KRABD3: variants seen among roughly 807,000 people sequenced by gnomAD.
The protein encoded by KRABD3 is KRAB domain containing 3.
At chr7:149,732,064 G>A in the KRABD3 span, among the ~76,000 whole-genome samples, 14 of 152,326 alleles carry the variant, frequency 9.2e-5, no homozygotes, top group South Asian at 2.9e-3. This position sits in a 1 kb window ranked among gnomAD's most constrained non-coding sequence, Gnocchi z 4.0. Flanking sequence ...GGATGACCTG[G>A]CCATGGTCAC....
the KRABD3 span, chr7:149,720,819 T>C: frequency 5.7e-6 from 9 of 1,571,340 alleles, no homozygotes; most frequent in Non-Finnish European, 7.8e-6. Context: ...GGGGGGTCAC[T>C]GTGGCCTCTC....
At chr7:149,727,824 T>C in the KRABD3 span, among the ~76,000 whole-genome samples, 1 of 152,146 alleles carries the variant, frequency 6.6e-6, no homozygotes, top group Non-Finnish European at 1.5e-5. Context: ...GTGGGGGTCC[T>C]CTGGTTTCCA....
At chr7:149,730,853 G>A in the KRABD3 span, 26 of 459,410 alleles carry the variant, frequency 5.7e-5, no homozygotes, top group Non-Finnish European at 9.4e-5. Context: ...GACAGATGTG[G>A]ATGTATTTAT....
At chr7:149,725,349 G>A in the KRABD3 span, 1 of 1,602,036 alleles carries the variant, frequency 6.2e-7, no homozygotes, top group East Asian at 2.3e-5. Flanking sequence ...TGGAAGCCCT[G>A]GAAGCCTGTC....
At chr7:149,728,714 TG>T in the KRABD3 span, 1 of 1,600,428 alleles carries the variant, frequency 6.2e-7, no homozygotes, top group African/African-American at 1.3e-5. Context: ...TAGACAGGGC[TG>T]CTCTGAGGAT....
the KRABD3 span, chr7:149,722,306 C>T: frequency 4.1e-6 from 6 of 1,452,700 alleles, no homozygotes; most frequent in Admixed American, 4.2e-5. Flanking sequence ...CAGCCCACCT[C>T]GAACAGGGAC....
At chr7:149,733,959 C>G in the KRABD3 span, 5 of 1,603,536 alleles carry the variant, frequency 3.1e-6, no homozygotes, top group Admixed American at 3.4e-5. Flanking sequence ...CCCAAGGAGC[C>G]GAGCAGCCTG....
At chr7:149,719,279 A>T in the KRABD3 span, 15 of 345,510 alleles carry the variant, frequency 4.3e-5, no homozygotes, top group Non-Finnish European at 6.3e-5. This position sits in a 1 kb window ranked among gnomAD's most constrained non-coding sequence, Gnocchi z 5.6. Context: ...TAGGAGTATG[A>T]CCTCATCTTA....
the KRABD3 span, among the ~76,000 whole-genome samples, chr7:149,730,998 C>T: frequency 6.6e-6 from 1 of 152,216 alleles, no homozygotes; most frequent in Non-Finnish European, 1.5e-5. Context: ...CCCCAGGCCA[C>T]CTTGCTTCTC....
the KRABD3 span, among the ~76,000 whole-genome samples, chr7:149,727,527 G>C: frequency 6.6e-6 from 1 of 152,220 alleles, no homozygotes; most frequent in South Asian, 2.1e-4. Context: ...TCCTCACACA[G>C]AGGGCAGCAT....
the KRABD3 span, chr7:149,720,205 A>G: frequency 6.7e-7 from 1 of 1,493,254 alleles, no homozygotes; most frequent in Non-Finnish European, 9.1e-7. Context: ...ACCTCAGCCT[A>G]CTCAGTCCAG....
the KRABD3 span, chr7:149,728,744 G>A: frequency 1.3e-6 from 2 of 1,523,918 alleles, no homozygotes; most frequent in East Asian, 2.3e-5. Context: ...CGCTGCACCT[G>A]TGGGCTCAGA....
At chr7:149,724,655 C>T in the KRABD3 span, 24 of 1,529,224 alleles carry the variant, frequency 1.6e-5, no homozygotes, top group Non-Finnish European at 2.0e-5. Flanking sequence ...CCCGCAGGGC[C>T]TGGATACCTC....
the KRABD3 span, chr7:149,720,266 C>T: frequency 7.1e-6 from 7 of 981,356 alleles, no homozygotes; most frequent in South Asian, 1.1e-4. Flanking sequence ...TTTCACCCCT[C>T]ATCCCTCTGG....
chr7:149,719,461 CTA>C, the KRABD3 span: 1 of 1,431,798 alleles, frequency 7.0e-7, no homozygotes, highest in Non-Finnish European at 9.3e-7. This position sits in a 1 kb window ranked among gnomAD's most constrained non-coding sequence, Gnocchi z 5.6. Context: ...GCCTGGAGGC[CTA>C]GGTGGGGTTA....
the KRABD3 span, among the ~76,000 whole-genome samples, chr7:149,719,065 G>A: frequency 6.6e-6 from 1 of 152,212 alleles, no homozygotes; most frequent in African/African-American, 2.4e-5. This position sits in a 1 kb window ranked among gnomAD's most constrained non-coding sequence, Gnocchi z 5.6. Flanking sequence ...ACGTCACAGT[G>A]TGGGCAGGCC....
At chr7:149,723,840 G>A in the KRABD3 span, 97 of 1,613,826 alleles carry the variant, frequency 6.0e-5, no homozygotes, top group Non-Finnish European at 8.1e-5. Context: ...CAGGAGTGGG[G>A]AACCGACGGC....
At chr7:149,724,572 T>A in the KRABD3 span, 174 of 1,106,228 alleles carry the variant, frequency 1.6e-4, 2 homozygotes, top group South Asian at 3.5e-3. Flanking sequence ...AAGCCCCTCC[T>A]AACCCTATAA....
the KRABD3 span, chr7:149,719,921 AC>A: frequency 3.4e-5 from 49 of 1,421,986 alleles, no homozygotes; most frequent in Non-Finnish European, 4.6e-5. The surrounding 1 kb of genome is among the most constrained non-coding windows in gnomAD (Gnocchi z 5.6). Flanking sequence ...ATGTGCACAG[AC>A]CTGCAGGGGC....
Sources: allele counts gnomAD v4.1 joint callset (sites outside exome capture counted in the v4.1 genomes callset), GRCh38; gene constraint gnomAD v4.1.1; non-coding constraint Gnocchi (gnomAD v3.1); transcripts MANE v1.5; gene names NCBI Gene and HGNC (gene_info 2026-07-23, HGNC 2026-07-21).